ABCC4: variants seen among roughly 807,000 people sequenced by gnomAD.
The protein encoded by ABCC4 is ATP-binding cassette sub-family C member 4.
Under a neutral mutation model 168.5 loss-of-function variants are expected in ABCC4, and 102 were observed. The ratio of observed to expected loss-of-function variants is 0.61; its 90% CI spans 0.52 to 0.71. The LOEUF (loss-of-function observed/expected upper bound fraction) is 0.71, where lower values mean the gene tolerates loss of function less well. ABCC4 is among the 30% of genes least tolerant of loss of function. ABCC4 has a pLI of 0.00. For synonymous variants in ABCC4, 617 were observed against 590.7 expected (o/e 1.04, Z -0.65); for missense variants, 1,402 against 1,605.8 (o/e 0.87, Z 2.17).
intron 1 of ABCC4, among the ~76,000 whole-genome samples, chr13:95,258,202 A>G (rs945752148): frequency 6.6e-6 from 1 of 152,152 alleles, no homozygotes; most frequent in African/African-American, 2.4e-5. Flanking sequence ...CTTTCAATAG[A>G]AAAGCCAGAG....
intron 1 of ABCC4, among the ~76,000 whole-genome samples, chr13:95,276,757 G>A (rs1395104926): frequency 2.6e-5 from 4 of 152,106 alleles, no homozygotes; most frequent in Admixed American, 6.5e-5. Flanking sequence ...AGTGGCTCAC[G>A]CCTGTAATCC....
At chr13:95,193,471 T>C (rs1410397756) in intron 9 of ABCC4, among the ~76,000 whole-genome samples, 1 of 152,210 alleles carries the variant, frequency 6.6e-6, no homozygotes, top group African/African-American at 2.4e-5. Flanking sequence ...CTTCCTGCCG[T>C]GGCTGATCTC....
intron 25 of ABCC4, among the ~76,000 whole-genome samples, chr13:95,070,729 G>A (rs2033695941): frequency 6.6e-6 from 1 of 152,154 alleles, no homozygotes; most frequent in Admixed American, 6.5e-5. Flanking sequence ...CTGTCAGGGT[G>A]GGCCTGGGGC....
At chr13:95,237,696 C>A (rs1304860141) in intron 3 of ABCC4, among the ~76,000 whole-genome samples, 1 of 152,144 alleles carries the variant, frequency 6.6e-6, no homozygotes, top group East Asian at 1.9e-4. Flanking sequence ...CATTACATGT[C>A]TAGGCCCAGC....
chr13:95,157,202 G>A (rs908742138), intron 19 of ABCC4, among the ~76,000 whole-genome samples: 6 of 151,782 alleles, frequency 4.0e-5, no homozygotes, highest in African/African-American at 9.7e-5. Flanking sequence ...GGCCCAGCCC[G>A]CTCCCAACAG....
chr13:95,202,605 A>AT (rs1449178803), intron 8 of ABCC4, among the ~76,000 whole-genome samples: 1 of 146,052 alleles, frequency 6.8e-6, no homozygotes, highest in Non-Finnish European at 1.5e-5. Flanking sequence ...TGAGATCTGC[A>AT]TTCAGGTTAT....
intron 3 of ABCC4, among the ~76,000 whole-genome samples, chr13:95,245,872 C>A (rs2040091407): frequency 3.8e-5 from 4 of 104,460 alleles, no homozygotes; most frequent in African/African-American, 1.5e-4. Flanking sequence ...TACAAACCAA[C>A]CCCCTCCCCC....
chr13:95,223,499 T>TTTTG (rs952515025), intron 4 of ABCC4, among the ~76,000 whole-genome samples: 1 of 152,094 alleles, frequency 6.6e-6, no homozygotes, highest in African/African-American at 2.4e-5. Flanking sequence ...GTGTAAAGTT[T>TTTTG]TTTGTTTGTT....
intron 1 of ABCC4, among the ~76,000 whole-genome samples, chr13:95,277,372 G>A (rs1042924994): frequency 2.0e-4 from 31 of 152,080 alleles, no homozygotes; most frequent in Non-Finnish European, 4.3e-4. Context: ...CCTGAGTTCA[G>A]GAGTTCGAGA....
intron 1 of ABCC4, among the ~76,000 whole-genome samples, chr13:95,254,539 G>A (rs565559747): frequency 2.6e-5 from 4 of 152,246 alleles, no homozygotes; most frequent in African/African-American, 9.6e-5. Context: ...CTCCTCCCAG[G>A]CTTCTCCCTC....
intron 22 of ABCC4, 104 bp downstream of exon 22, chr13:95,075,328 C>T: frequency 6.7e-7 from 1 of 1,488,000 alleles, no homozygotes; most frequent in Non-Finnish European, 9.2e-7. Context: ...GGATGTGGGG[C>T]TGGGCCCTGA....
At chr13:95,068,503 T>C (rs1172295853) in intron 25 of ABCC4, among the ~76,000 whole-genome samples, 3 of 147,380 alleles carry the variant, frequency 2.0e-5, no homozygotes, top group Non-Finnish European at 3.0e-5. Context: ...CGGGTGCCTG[T>C]AATTGCAGCT....
intron 9 of ABCC4, among the ~76,000 whole-genome samples, chr13:95,189,124 C>CTTTTT (rs61449462): frequency 1.0e-4 from 7 of 67,268 alleles, no homozygotes; most frequent in Admixed American, 1.8e-4. Flanking sequence ...AAACAATATT[C>CTTTTT]TTTTTTTTTT....
chr13:95,199,677 C>T (rs1244384614), intron 8 of ABCC4, among the ~76,000 whole-genome samples: 1 of 152,088 alleles, frequency 6.6e-6, no homozygotes, highest in Non-Finnish European at 1.5e-5. Context: ...AGTCCAAATC[C>T]CATCATCATC....
At chr13:95,187,841 G>A (rs2038118168) in intron 10 of ABCC4, among the ~76,000 whole-genome samples, 1 of 152,064 alleles carries the variant, frequency 6.6e-6, no homozygotes, top group South Asian at 2.1e-4. Context: ...CTTCTACAAT[G>A]CACAGACATG....
intron 11 of ABCC4, among the ~76,000 whole-genome samples, chr13:95,181,818 T>C (rs982484176): frequency 6.6e-6 from 1 of 152,222 alleles, no homozygotes; most frequent in Non-Finnish European, 1.5e-5. Flanking sequence ...TTTCATATCA[T>C]GCTTCCCCAA....
chr13:95,243,732 C>T (rs1414793798), intron 3 of ABCC4, among the ~76,000 whole-genome samples: 1 of 151,848 alleles, frequency 6.6e-6, no homozygotes, highest in African/African-American at 2.4e-5. Flanking sequence ...ACTAAAAATA[C>T]AAAAAATAAG....
chr13:95,163,515 G>T, intron 17 of ABCC4, 95 bp downstream of exon 17: 1 of 1,174,098 alleles, frequency 8.5e-7, no homozygotes, highest in Non-Finnish European at 1.2e-6. Flanking sequence ...GATTAGAAGA[G>T]AAGGATCAAC....
intron 4 of ABCC4, among the ~76,000 whole-genome samples, chr13:95,222,042 T>A (rs975636600): frequency 1.3e-5 from 2 of 152,174 alleles, no homozygotes; most frequent in Non-Finnish European, 2.9e-5. Flanking sequence ...GGCCCCAGGA[T>A]TGGGGTTTTT....
Sources: allele counts gnomAD v4.1 joint callset (sites outside exome capture counted in the v4.1 genomes callset), GRCh38; gene constraint gnomAD v4.1.1; transcripts MANE v1.5; gene names NCBI Gene and HGNC (gene_info 2026-07-23, HGNC 2026-07-21).